The following PPARD variants were observed in gnomAD, a reference collection of about 807,000 sequenced individuals.
The protein encoded by PPARD is peroxisome proliferator activated receptor delta.
A neutral mutation model predicts 39.5 loss-of-function variants in PPARD; 6 were observed. The observed-to-expected ratio is 0.15, with a 90% CI of 0.08 to 0.30. The LOEUF is 0.30. PPARD is among the 10% of genes least tolerant of loss of function. The probability of loss-of-function intolerance (pLI) is 1.00; values close to 1 mark genes in which losing one functional copy is unlikely to be tolerated. For synonymous variants in PPARD, 210 were observed against 231.3 expected, an observed-to-expected ratio of 0.91 and a Z score of 0.83; for missense variants, 397 against 596.8, an observed-to-expected ratio of 0.67 and a Z score of 3.49.
intron 3 of PPARD, among the ~76,000 whole-genome samples, chr6:35,413,382 G>A (rs1765553572): frequency 6.6e-6 from 1 of 152,198 alleles, no homozygotes; most frequent in South Asian, 2.1e-4. Flanking sequence ...AGACTTCCTT[G>A]TTCAGTCATT....
chr6:35,343,883 C>T (rs536168399), intron 1 of PPARD, among the ~76,000 whole-genome samples: 1 of 152,334 alleles, frequency 6.6e-6, no homozygotes, highest in East Asian at 1.9e-4. Flanking sequence ...CCACCCTCCA[C>T]CCTGTGCTCC....
At chr6:35,396,533 TAAA>T (rs34707184) in intron 2 of PPARD, among the ~76,000 whole-genome samples, 1 of 109,994 alleles carries the variant, frequency 9.1e-6, no homozygotes. Flanking sequence ...TTGTTTTTAT[TAAA>T]AAAAAAAAAA....
chr6:35,416,289 G>A (rs1223856418), intron 3 of PPARD, among the ~76,000 whole-genome samples: 2 of 146,274 alleles, frequency 1.4e-5, no homozygotes, highest in Non-Finnish European at 3.0e-5. Context: ...CAGGAGAATC[G>A]CTTGAACCCG....
chr6:35,418,916 G>A (rs1053360274), intron 3 of PPARD, among the ~76,000 whole-genome samples: 4 of 152,190 alleles, frequency 2.6e-5, no homozygotes, highest in Non-Finnish European at 5.9e-5. Flanking sequence ...GCCACTCCTA[G>A]GACCCAAGGG....
chr6:35,424,491 G>T lies in PPARD; in HGVS notation c.790G>T (p.Ala264Ser). The T allele has an allele frequency of 6.2e-7, 1 of 1,614,174 alleles. No individual in the cohort carries two copies. Among genetic ancestry groups the T allele is most frequent in the Non-Finnish European group, 8.5e-7 (1 of 1,180,032 alleles). The change falls in exon 7 of 8, where the codon GCC (alanine) becomes TCC (serine). Residue 264 changes from alanine (A) to serine (S), a missense_variant. Ala to Ser is a moderately conservative substitution (Grantham distance 99, BLOSUM62 1). Coordinates refer to ENST00000360694, the MANE Select transcript of PPARD (RefSeq NM_006238.5). The surrounding 1 kb of genome is among the most constrained non-coding windows in gnomAD (Gnocchi z 7.1). Reference sequence around the variant, plus strand: ...GACCGTGCGGGAGCTCACTGAGTTCGCCAAGAGCATCCCCAGCTTCAGCAG... The same window carrying T: ...GACCGTGCGGGAGCTCACTGAGTTCTCCAAGAGCATCCCCAGCTTCAGCAG... Reference protein sequence around the residue: ...VETVRELTEFAKSIPSFSSLF... With the variant: ...VETVRELTEFSKSIPSFSSLF...
intron 2 of PPARD, among the ~76,000 whole-genome samples, chr6:35,371,064 G>A (rs1244251591): frequency 6.6e-6 from 1 of 152,200 alleles, no homozygotes; most frequent in Non-Finnish European, 1.5e-5. Flanking sequence ...CATTACAGAT[G>A]CCTTTACCTT....
chr6:35,393,061 T>C (rs1764108008), intron 2 of PPARD, among the ~76,000 whole-genome samples: 2 of 152,150 alleles, frequency 1.3e-5, no homozygotes, highest in South Asian at 2.1e-4. Context: ...TTCATCCTCA[T>C]AGGCCTCCAG....
intron 2 of PPARD, among the ~76,000 whole-genome samples, chr6:35,347,651 C>A (rs935085370): frequency 1.3e-5 from 2 of 151,990 alleles, no homozygotes; most frequent in African/African-American, 4.8e-5. Context: ...TCTTGTCCCC[C>A]AGACTGGAGT....
intron 2 of PPARD, among the ~76,000 whole-genome samples, chr6:35,369,321 C>A (rs1762362326): frequency 6.6e-6 from 1 of 152,154 alleles, no homozygotes; most frequent in Admixed American, 6.6e-5. Context: ...GTCATAAAGT[C>A]CACCTGTTGA....
chr6:35,399,847 G>A (rs917771655), intron 2 of PPARD, among the ~76,000 whole-genome samples: 11 of 152,182 alleles, frequency 7.2e-5, no homozygotes, highest in Non-Finnish European at 1.3e-4. Context: ...ATGAAAACAT[G>A]AGTTTAATGA....
At chr6:35,377,019 C>CAA (rs571968297) in intron 2 of PPARD, among the ~76,000 whole-genome samples, 15 of 117,680 alleles carry the variant, frequency 1.3e-4, no homozygotes, top group South Asian at 1.1e-3. Context: ...GACTCTGTCT[C>CAA]AAAAAAAAAA....
rs561138092 is a variant in PPARD at position 35,368,547 on chromosome 6, C to T, written c.-102+21397C>T. ...GGCGTCCAGGAACCTGCCTTTAAAG[C>T]TCCCCATTGATTTGGGAGTACAGCC... On this transcript the variant is annotated intron_variant, in intron 2 of 7. Transcript: ENST00000360694. 3.1e-3 allele frequency among the ~76,000 whole-genome samples: 472 copies of T among 152,306 alleles called. 7 individuals are homozygous for T. Among genetic ancestry groups the T allele is most frequent in the African/African-American group, 0.011 (453 of 41,548 alleles).
chr6:35,415,901 TTGA>T (rs1765728157), intron 3 of PPARD, among the ~76,000 whole-genome samples: 1 of 151,772 alleles, frequency 6.6e-6, no homozygotes, highest in Non-Finnish European at 1.5e-5. Flanking sequence ...GCCGGGGAAG[TTGA>T]TGTTGCAGCT....
Position 35,401,315 on chromosome 6 carries a change from T to G in PPARD, c.-101-9672T>G, listed in dbSNP as rs1439678241. ...CTGCCGACTCCCTTGCCAGGTTTGC[T>G]GTAACTATTGCTCCTCCGAGCCTGG... On this transcript the variant is annotated intron_variant, in intron 2 of 7. Transcript: ENST00000360694. The surrounding 1 kb of genome is among the most constrained non-coding windows in gnomAD (Gnocchi z 4.1). Among the ~76,000 whole-genome samples the G allele has an allele frequency of 2.7e-4, 41 of 152,172 alleles. No homozygotes were observed. Among genetic ancestry groups the G allele is most frequent in the Admixed American group, 2.7e-3 (41 of 15,264 alleles).
chr6:35,400,391 C>T (rs775355161), intron 2 of PPARD, among the ~76,000 whole-genome samples: 10 of 152,118 alleles, frequency 6.6e-5, no homozygotes, highest in African/African-American at 9.7e-5. Context: ...CTCACTGGGT[C>T]GATTAAGTGA....
In PPARD at chr6:35,421,967, T is replaced by C. The variant is rs763124813; in HGVS notation, c.424+9T>C. The C allele has an allele frequency of 3.1e-6, 5 of 1,596,642 alleles. No individual in the cohort carries two copies. Among genetic ancestry groups the C allele is most frequent in the East Asian group, 2.2e-5 (1 of 44,480 alleles). ...GGGCATGTCACACAACGGTGAGAGC[T>C]GACCAGGGCAACTCACGGGCTGCTG... On this transcript the variant is annotated intron_variant, in intron 5 of 7. Coordinates refer to ENST00000360694, the MANE Select transcript of PPARD (RefSeq NM_006238.5).
intron 2 of PPARD, among the ~76,000 whole-genome samples, chr6:35,387,453 G>A (rs1362844356): frequency 6.6e-6 from 1 of 152,024 alleles, no homozygotes; most frequent in Non-Finnish European, 1.5e-5. Context: ...TCAGAATGTT[G>A]TATGACAGAA....
chr6:35,407,281 A>G (rs1765115210), intron 2 of PPARD, among the ~76,000 whole-genome samples: 1 of 151,948 alleles, frequency 6.6e-6, no homozygotes, highest in African/African-American at 2.4e-5. Context: ...CCCCGTGTCC[A>G]CTGACACCCA....
intron 2 of PPARD, among the ~76,000 whole-genome samples, chr6:35,404,924 G>A (rs927693226): frequency 1.3e-5 from 2 of 151,626 alleles, no homozygotes; most frequent in Admixed American, 1.3e-4. Context: ...TGGAATGGGA[G>A]CATGGGGGCT....
Sources: allele counts gnomAD v4.1 joint callset (sites outside exome capture counted in the v4.1 genomes callset), GRCh38; gene constraint gnomAD v4.1.1; non-coding constraint Gnocchi (gnomAD v3.1); transcripts MANE v1.5; gene names NCBI Gene and HGNC (gene_info 2026-07-23, HGNC 2026-07-21).